The following STXBP5 variants were observed in gnomAD, a reference collection of about 807,000 sequenced individuals.
STXBP5 encodes syntaxin-binding protein 5.
In STXBP5, 50 loss-of-function variants were observed where a neutral mutation model predicts 152.4. That is an observed-to-expected ratio of 0.33 (90% confidence interval 0.26 to 0.42). The LOEUF (loss-of-function observed/expected upper bound fraction) is 0.42, where lower values mean the gene tolerates loss of function less well. Among genes scored for constraint, STXBP5 ranks in the 10% least tolerant of loss-of-function variants. The probability of loss-of-function intolerance (pLI) is 1.00; values close to 1 mark genes in which losing one functional copy is unlikely to be tolerated. For synonymous variants in STXBP5, 492 were observed against 494.7 expected, an observed-to-expected ratio of 0.99 and a Z score of 0.07; for missense variants, 1,167 against 1,388.6, an observed-to-expected ratio of 0.84 and a Z score of 2.54.
Position 147,204,752 on chromosome 6 carries a change from G to A in STXBP5, c.150+70G>A. 7.0e-7 allele frequency: 1 copy of A among 1,435,758 alleles called. No individual in the cohort carries two copies. The highest frequency in any genetic ancestry group is 9.3e-7 in the Non-Finnish European group (1 of 1,079,934). 88.9% of individuals were successfully genotyped at this position (1,435,758 alleles called of 1,614,324 possible). ...GGGTTGTTTTAAGGGGGCTACTCGG[G>A]CTTTACATGGGAATGCAAGGGAAGA... On this transcript the variant is annotated intron_variant, in intron 1 of 27. Transcript: ENST00000321680. The surrounding 1 kb of genome is among the most constrained non-coding windows in gnomAD (Gnocchi z 4.3).
chr6:147,346,196 G>C (rs1244863824), intron 21 of STXBP5, among the ~76,000 whole-genome samples: 1 of 152,212 alleles, frequency 6.6e-6, no homozygotes, highest in African/African-American at 2.4e-5. Context: ...AAACGAGCTA[G>C]CTGGGTAAAT....
chr6:147,351,703 C>A, intron 21 of STXBP5: 1 of 229,950 alleles, frequency 4.3e-6, no homozygotes, highest in Non-Finnish European at 7.2e-6. Context: ...TTAACCCATT[C>A]TTGTTTGCTA....
intron 8 of STXBP5, 149 bp downstream of exon 8, chr6:147,278,353 A>G (rs1191981381): frequency 1.3e-6 from 1 of 787,998 alleles, no homozygotes; most frequent in African/African-American, 1.8e-5. Context: ...TTACACTTAT[A>G]GAAATAGTAT....
At chr6:147,224,622 C>A (rs1277965981) in intron 2 of STXBP5, among the ~76,000 whole-genome samples, 2 of 152,058 alleles carry the variant, frequency 1.3e-5, no homozygotes, top group Non-Finnish European at 2.9e-5. Flanking sequence ...TTCCTGGTAA[C>A]CTGCTACTTA....
rs563120569 is a variant in STXBP5 at position 147,361,631 on chromosome 6, G to A, written c.2546-1704G>A. Among the ~76,000 whole-genome samples the A allele has an allele frequency of 5.3e-4, 81 of 152,112 alleles. 1 individual carries two copies. The highest frequency in any genetic ancestry group is 1.9e-3 in the African/African-American group (78 of 41,502). ...AGAGGAAGATTCAACAGTTAACCAC[G>A]AATCTACTAGGAAACATGCTAAAGT... On this transcript the variant is annotated intron_variant, in intron 23 of 27. Coordinates refer to ENST00000321680, the MANE Select transcript of STXBP5 (RefSeq NM_001127715.4).
intron 21 of STXBP5, among the ~76,000 whole-genome samples, chr6:147,340,182 A>C (rs990270720): frequency 1.9e-4 from 29 of 151,992 alleles, no homozygotes; most frequent in African/African-American, 6.8e-4. Context: ...TATTCTTTGA[A>C]TTCAGTCAAA....
intron 9 of STXBP5, among the ~76,000 whole-genome samples, 193 bp from the exon 10 acceptor site, chr6:147,309,891 A>G (rs1488713357): frequency 6.6e-6 from 1 of 152,184 alleles, no homozygotes; most frequent in East Asian, 1.9e-4. Context: ...TTTTTATTGC[A>G]GGTTAATTTT....
intron 9 of STXBP5, among the ~76,000 whole-genome samples, chr6:147,307,856 T>C (rs1397703969): frequency 6.6e-6 from 1 of 152,186 alleles, no homozygotes; most frequent in Non-Finnish European, 1.5e-5. Context: ...AAAAACTTAC[T>C]TGCCTTCCGA....
At chr6:147,260,174 A>G (rs1779575159) in intron 4 of STXBP5, among the ~76,000 whole-genome samples, 2 of 152,172 alleles carry the variant, frequency 1.3e-5, no homozygotes, top group Non-Finnish European at 2.9e-5. Flanking sequence ...AAGAGAAGAA[A>G]AATATCAAGG....
chr6:147,316,146 A>AGT, intron 15 of STXBP5, 83 bp from the exon 16 acceptor site: 1 of 1,275,796 alleles, frequency 7.8e-7, no homozygotes, highest in East Asian at 2.5e-5. Context: ...GTTTATGTAA[A>AGT]GTGTGTGTGT....
intron 4 of STXBP5, among the ~76,000 whole-genome samples, chr6:147,250,427 A>G (rs1283369401): frequency 2.6e-5 from 4 of 152,222 alleles, no homozygotes; most frequent in Admixed American, 2.6e-4. Context: ...AAAATAGTAT[A>G]TTTGCATTGC....
At chr6:147,329,656 C>T (rs1164309028) in intron 18 of STXBP5, among the ~76,000 whole-genome samples, 5 of 105,368 alleles carry the variant, frequency 4.7e-5, no homozygotes, top group East Asian at 3.2e-4. Flanking sequence ...GACGGAGTCT[C>T]GCTCTTTCGC....
chr6:147,241,581 G>T (rs889566970), intron 4 of STXBP5, among the ~76,000 whole-genome samples: 2 of 152,144 alleles, frequency 1.3e-5, no homozygotes, highest in African/African-American at 4.8e-5. Flanking sequence ...GGTCCCAAAA[G>T]ATTATAATGG....
In STXBP5 at chr6:147,387,741, G is replaced by T. The variant is rs1408981446; in HGVS notation, c.*2986G>T. The T allele has an allele frequency of 6.6e-6, 1 of 151,442 alleles. No individual in the cohort carries two copies. Among genetic ancestry groups the T allele is most frequent in the Non-Finnish European group, 1.5e-5 (1 of 67,688 alleles). 9.4% of individuals were successfully genotyped at this position (151,442 alleles called of 1,614,324 possible). On this transcript the variant is annotated 3_prime_UTR_variant, in exon 28 of 28. Transcript: ENST00000321680. ...TACTTGTCTATGTTATTATGTGTAAGTATATTACAATTTAATTAAGTACAA... is the reference window on the plus strand; with the variant it reads ...TACTTGTCTATGTTATTATGTGTAATTATATTACAATTTAATTAAGTACAA...
At chr6:147,236,752 C>T (rs1056100005) in intron 3 of STXBP5, among the ~76,000 whole-genome samples, 1 of 151,682 alleles carries the variant, frequency 6.6e-6, no homozygotes, top group Non-Finnish European at 1.5e-5. Context: ...CACCCTCAGT[C>T]CCTGGCAACT....
At chr6:147,364,391 G>A (rs369209134) in intron 25 of STXBP5, among the ~76,000 whole-genome samples, 8 of 152,176 alleles carry the variant, frequency 5.3e-5, no homozygotes, top group East Asian at 1.9e-4. Context: ...AATCCATATC[G>A]GTCTTTCCAG....
intron 8 of STXBP5, among the ~76,000 whole-genome samples, chr6:147,285,784 T>C (rs1780932390): frequency 6.6e-6 from 1 of 152,194 alleles, no homozygotes; most frequent in Non-Finnish European, 1.5e-5. Context: ...GCAAATACCA[T>C]CTAATGTCCT....
At position 147,363,532 on chromosome 6, in the gene STXBP5, G is replaced by T. The variant is rs1785160310; in HGVS notation, c.2743G>T (p.Ala915Ser). The change falls in exon 24 of 28, where the codon GCA (alanine) becomes TCA (serine). Residue 915 changes from alanine (A) to serine (S), a missense_variant. Physicochemically the swap from Ala to Ser is moderately conservative, Grantham distance 99. Transcript: ENST00000321680. Reference sequence around the variant, plus strand: ...TCAGGAAATTAGTGAAAACCAGTATGCAGTGATATGTTCTGAAAAGCAAGC... The same window carrying T: ...TCAGGAAATTAGTGAAAACCAGTATTCAGTGATATGTTCTGAAAAGCAAGC... ...SSQEISENQY[A>S]VICSEKQAKV... 2 of 1,614,112 alleles carry T rather than the reference G, an allele frequency of 1.2e-6. No individual in the cohort carries two copies. The highest frequency in any genetic ancestry group is 1.7e-6 in the Non-Finnish European group (2 of 1,180,016).
chr6:147,208,735 T>C (rs1776698412), intron 2 of STXBP5, among the ~76,000 whole-genome samples: 1 of 152,138 alleles, frequency 6.6e-6, no homozygotes, highest in African/African-American at 2.4e-5. Context: ...ATTTGACTGA[T>C]GAATATCTTC....
Sources: allele counts gnomAD v4.1 joint callset (sites outside exome capture counted in the v4.1 genomes callset), GRCh38; gene constraint gnomAD v4.1.1; non-coding constraint Gnocchi (gnomAD v3.1); transcripts MANE v1.5; gene names NCBI Gene and HGNC (gene_info 2026-07-23, HGNC 2026-07-21).